The following PRIM2 variants were observed in gnomAD, a reference collection of about 807,000 sequenced individuals.
PRIM2 encodes DNA primase subunit 2.
Under a neutral mutation model 67.3 loss-of-function variants are expected in PRIM2, and 39 were observed. The ratio of observed to expected loss-of-function variants is 0.58; its 90% CI spans 0.45 to 0.76. PRIM2 has a LOEUF of 0.76. Ranked by LOEUF, PRIM2 falls within the 30% of genes least tolerant of loss-of-function variation. The pLI is 0.00. For synonymous variants in PRIM2, 143 were observed against 198.7 expected (o/e 0.72, Z 2.36); for missense variants, 398 against 598.7 (o/e 0.66, Z 3.50).
At chr6:57,505,251 C>T (rs1351004876) in intron 7 of PRIM2, 4 of 152,166 alleles carry the variant, frequency 2.6e-5, no homozygotes, top group African/African-American at 9.7e-5. Flanking sequence ...CAAAAATCTT[C>T]CTTGAAATAA....
the PRIM2 span, among the ~76,000 whole-genome samples, chr6:57,251,771 C>A: frequency 6.6e-6 from 1 of 152,106 alleles, no homozygotes; most frequent in African/African-American, 2.4e-5. Context: ...TTCTTATTTC[C>A]CACAAGCTTT....
At chr6:57,420,000 T>A (rs1771410474) in intron 7 of PRIM2, among the ~76,000 whole-genome samples, 2 of 152,226 alleles carry the variant, frequency 1.3e-5, no homozygotes, top group African/African-American at 4.8e-5. Context: ...TTGTGTTTGG[T>A]GGTGGCAGTG....
the PRIM2 span, chr6:57,221,972 G>A: frequency 6.6e-6 from 1 of 152,368 alleles, no homozygotes; most frequent in Non-Finnish European, 1.5e-5. Context: ...AGCCCCTGGA[G>A]AGGGCGAGTG....
chr6:57,382,834 T>G (rs1770009644), intron 7 of PRIM2: 1 of 152,210 alleles, frequency 6.6e-6, no homozygotes, highest in Admixed American at 6.5e-5. Flanking sequence ...CTTCAAAGGT[T>G]TGTGACATGG....
At chr6:57,336,770 G>C (rs1768264515) in intron 5 of PRIM2, among the ~76,000 whole-genome samples, 1 of 152,174 alleles carries the variant, frequency 6.6e-6, no homozygotes, top group Non-Finnish European at 1.5e-5. Context: ...AAAACGTAAA[G>C]ACCATTGAAA....
intron 5 of PRIM2, among the ~76,000 whole-genome samples, chr6:57,350,713 G>A (rs578006018): frequency 2.6e-5 from 4 of 152,066 alleles, no homozygotes; most frequent in Admixed American, 2.0e-4. Flanking sequence ...TCAGTGCCGC[G>A]TGGTTCTTTC....
intron 9 of PRIM2, among the ~76,000 whole-genome samples, chr6:57,536,029 G>T (rs1774994702): frequency 1.3e-5 from 2 of 152,184 alleles, no homozygotes. Flanking sequence ...CTCATGAAAA[G>T]GAGCTGAAAG....
At chr6:57,232,288 C>G in the PRIM2 span, among the ~76,000 whole-genome samples, 2 of 152,214 alleles carry the variant, frequency 1.3e-5, no homozygotes, top group African/African-American at 2.4e-5. Context: ...CGTGGTGGCT[C>G]ACGCCTGTAA....
intron 10 of PRIM2, among the ~76,000 whole-genome samples, chr6:57,539,649 TGTGTGTG>T (rs1775099086): frequency 2.0e-4 from 14 of 68,858 alleles, no homozygotes; most frequent in African/African-American, 1.1e-3. Context: ...TGTGTGTGTG[TGTGTGTG>T]TATATATATA....
the PRIM2 span, among the ~76,000 whole-genome samples, chr6:57,276,723 T>TGGTGAAAG: frequency 6.6e-6 from 1 of 151,668 alleles, no homozygotes; most frequent in Non-Finnish European, 1.5e-5. Context: ...GTGAAACCCA[T>TGGTGAAAG]CTCTAAAAAA....
At chr6:57,615,254 CA>C (rs1381476034) in intron 12 of PRIM2, among the ~76,000 whole-genome samples, 2 of 151,456 alleles carry the variant, frequency 1.3e-5, no homozygotes, top group Non-Finnish European at 2.9e-5. Flanking sequence ...CCAGTCTCTA[CA>C]AAAAAATACA....
intron 7 of PRIM2, among the ~76,000 whole-genome samples, chr6:57,500,106 A>G (rs1430058052): frequency 2.5e-4 from 38 of 152,212 alleles, no homozygotes; most frequent in Non-Finnish European, 4.3e-4. Flanking sequence ...TGTCCTCTCC[A>G]TCTTCCCCTT....
chr6:57,424,263 A>C (rs140747255), intron 7 of PRIM2, among the ~76,000 whole-genome samples: 4 of 152,314 alleles, frequency 2.6e-5, no homozygotes, highest in East Asian at 3.9e-4. Flanking sequence ...TCCACATCTT[A>C]CAGTACTTGA....
At chr6:57,277,388 C>T in the PRIM2 span, among the ~76,000 whole-genome samples, 1 of 152,096 alleles carries the variant, frequency 6.6e-6, no homozygotes, top group African/African-American at 2.4e-5. Context: ...CAGGGAAGGA[C>T]AGAGATTTAT....
chr6:57,342,722 T>G (rs1405545340), intron 5 of PRIM2, among the ~76,000 whole-genome samples: 3 of 152,182 alleles, frequency 2.0e-5, no homozygotes, highest in Non-Finnish European at 4.4e-5. Context: ...TGACTCTACC[T>G]CATATTAAAA....
chr6:57,318,704 A>T (rs1309602256), intron 2 of PRIM2, 105 bp downstream of exon 2: 2 of 931,898 alleles, frequency 2.1e-6, no homozygotes, highest in African/African-American at 3.3e-5. Flanking sequence ...AATCCATTCA[A>T]CAAGTATTTA....
chr6:57,243,227 G>T, the PRIM2 span, among the ~76,000 whole-genome samples: 1 of 152,184 alleles, frequency 6.6e-6, no homozygotes, highest in African/African-American at 2.4e-5. Flanking sequence ...TAACTGCCTG[G>T]TATCAGGAAA....
At chr6:57,510,129 A>G (rs2127460530) in intron 8 of PRIM2, among the ~76,000 whole-genome samples, 1 of 152,066 alleles carries the variant, frequency 6.6e-6, no homozygotes, top group East Asian at 1.9e-4. Flanking sequence ...TGATATTGTT[A>G]TTGTTTGTTT....
At chr6:57,624,993 T>C (rs1260833233) in intron 12 of PRIM2, among the ~76,000 whole-genome samples, 13 of 152,088 alleles carry the variant, frequency 8.5e-5, no homozygotes, top group Admixed American at 6.5e-4. Context: ...TACAAAACCA[T>C]CATCAGATCT....
Sources: allele counts gnomAD v4.1 joint callset (sites outside exome capture counted in the v4.1 genomes callset), GRCh38; gene constraint gnomAD v4.1.1; transcripts MANE v1.5; gene names NCBI Gene and HGNC (gene_info 2026-07-23, HGNC 2026-07-21).